IL1RAPL2: variants seen among roughly 807,000 people sequenced by gnomAD.
IL1RAPL2 encodes X-linked interleukin-1 receptor accessory protein-like 2.
In IL1RAPL2, 3 loss-of-function variants were observed where a neutral mutation model predicts 44.1. The observed-to-expected ratio is 0.07, with a 90% confidence interval of 0.03 to 0.18. IL1RAPL2 has a LOEUF of 0.18. Among genes scored for constraint, IL1RAPL2 ranks in the 10% least tolerant of loss-of-function variants. IL1RAPL2 has a pLI of 1.00. For missense variants in IL1RAPL2, 391 were observed against 496.4 expected, an observed-to-expected ratio of 0.79 and a Z score of 2.02; for synonymous variants, 181 against 178.8, an observed-to-expected ratio of 1.01 and a Z score of -0.10.
At chrX:104,885,415 A>G (rs1923205814) in intron 2 of IL1RAPL2, among the ~76,000 whole-genome samples, 1 of 111,943 alleles carries the variant, frequency 8.9e-6, no homozygotes, top group African/African-American at 3.3e-5. Flanking sequence ...ACTCAGGGAA[A>G]GGAAGAAAAT....
intron 6 of IL1RAPL2, among the ~76,000 whole-genome samples, chrX:105,538,239 T>C (rs2036693375): frequency 9.2e-6 from 1 of 108,776 alleles, no homozygotes; most frequent in Non-Finnish European, 1.9e-5. Context: ...GGTTTCACCG[T>C]GTTAACCAGG....
intron 2 of IL1RAPL2, among the ~76,000 whole-genome samples, chrX:104,671,651 C>T (rs1829545093): frequency 1.8e-5 from 2 of 111,650 alleles, no homozygotes; most frequent in East Asian, 2.8e-4. Context: ...AAATTGTTTC[C>T]TCGATTCTCT....
intron 2 of IL1RAPL2, among the ~76,000 whole-genome samples, chrX:105,114,807 AG>A (rs1294658463): frequency 3.6e-5 from 4 of 111,920 alleles, no homozygotes; most frequent in African/African-American, 9.8e-5. Flanking sequence ...AGGAGTGGTG[AG>A]GGATGACTTG....
chrX:105,539,807 A>G (rs975576281), intron 6 of IL1RAPL2, among the ~76,000 whole-genome samples: 1 of 112,004 alleles, frequency 8.9e-6, no homozygotes, highest in Non-Finnish European at 1.9e-5. Context: ...TGTGTGATGA[A>G]CTTAAACAAT....
chrX:105,760,558 A>G (rs1164903482), intron 10 of IL1RAPL2, among the ~76,000 whole-genome samples: 1 of 112,370 alleles, frequency 8.9e-6, no homozygotes, highest in Admixed American at 9.4e-5. Context: ...AAATGTGGAC[A>G]GCATTCAGAG....
chrX:104,982,357 C>T (rs1284282654), intron 2 of IL1RAPL2, among the ~76,000 whole-genome samples: 2 of 111,221 alleles, frequency 1.8e-5, no homozygotes, highest in Admixed American at 9.6e-5. Flanking sequence ...AGACACATAA[C>T]ACTTTGTATT....
At chrX:105,602,804 A>T (rs1156289753) in intron 6 of IL1RAPL2, among the ~76,000 whole-genome samples, 2 of 110,324 alleles carry the variant, frequency 1.8e-5, no homozygotes, top group African/African-American at 6.6e-5. Flanking sequence ...AAAAGAAAAA[A>T]AAAAAAACCT....
At chrX:105,690,476 G>A (rs915190928) in intron 6 of IL1RAPL2, among the ~76,000 whole-genome samples, 11 of 111,069 alleles carry the variant, frequency 9.9e-5, no homozygotes, top group African/African-American at 2.0e-4. Context: ...AGAACATGCC[G>A]AAGTATAATA....
intron 7 of IL1RAPL2, among the ~76,000 whole-genome samples, chrX:105,739,370 TAAG>T (rs2038477198): frequency 9.2e-6 from 1 of 108,780 alleles, no homozygotes; most frequent in Admixed American, 9.8e-5. Context: ...TATTATACTT[TAAG>T]TTTTAGGGTA....
intron 2 of IL1RAPL2, among the ~76,000 whole-genome samples, chrX:105,169,696 T>C (rs1425481971): frequency 9.4e-6 from 1 of 106,471 alleles, no homozygotes; most frequent in African/African-American, 3.5e-5. Flanking sequence ...ACCTGGCTAA[T>C]TTTTTTTATT....
intron 2 of IL1RAPL2, among the ~76,000 whole-genome samples, chrX:105,085,329 A>G (rs1330635692): frequency 8.9e-6 from 1 of 112,429 alleles, no homozygotes; most frequent in Non-Finnish European, 1.9e-5. Context: ...CTCAATAGCA[A>G]GAAAACAAAC....
At chrX:105,223,279 T>C (rs1292437328) in intron 3 of IL1RAPL2, among the ~76,000 whole-genome samples, 1 of 111,875 alleles carries the variant, frequency 8.9e-6, no homozygotes, top group East Asian at 2.8e-4. Context: ...AAGCTGTATT[T>C]ACAGCAGCGG....
intron 3 of IL1RAPL2, among the ~76,000 whole-genome samples, chrX:105,227,242 A>G (rs1010056374): frequency 2.7e-5 from 3 of 111,827 alleles, no homozygotes; most frequent in Non-Finnish European, 5.6e-5. Flanking sequence ...TAAAAAAATT[A>G]TGATATGTTT....
chrX:104,906,158 T>A (rs1260415522), intron 2 of IL1RAPL2, among the ~76,000 whole-genome samples: 3 of 111,247 alleles, frequency 2.7e-5, no homozygotes, highest in Non-Finnish European at 5.7e-5. Context: ...TGATTTTGTA[T>A]CCTGAGACTT....
chrX:105,235,046 A>G (rs1192593184), intron 4 of IL1RAPL2, among the ~76,000 whole-genome samples: 4 of 110,589 alleles, frequency 3.6e-5, no homozygotes, highest in African/African-American at 1.3e-4. Context: ...TAAATACCCT[A>G]ACCATTTATA....
chrX:104,933,804 T>A (rs1369349378), intron 2 of IL1RAPL2, among the ~76,000 whole-genome samples: 2 of 111,202 alleles, frequency 1.8e-5, no homozygotes, highest in African/African-American at 6.5e-5. Flanking sequence ...CGTTGCATAC[T>A]CGAGAAGGGG....
chrX:105,523,132 A>G (rs1053674312), intron 6 of IL1RAPL2, among the ~76,000 whole-genome samples: 8 of 111,636 alleles, frequency 7.2e-5, no homozygotes, highest in African/African-American at 2.6e-4. Context: ...GTCTTCCCCA[A>G]CCTACCACTT....
chrX:105,727,199 G>A (rs1226432589), intron 7 of IL1RAPL2, among the ~76,000 whole-genome samples: 1 of 111,018 alleles, frequency 9.0e-6, no homozygotes, highest in Non-Finnish European at 1.9e-5. Context: ...AATGAAAATT[G>A]GTCTTAGAAA....
At chrX:104,925,202 T>A (rs1040085270) in intron 2 of IL1RAPL2, among the ~76,000 whole-genome samples, 2 of 63,380 alleles carry the variant, frequency 3.2e-5, no homozygotes, top group Non-Finnish European at 6.2e-5. Flanking sequence ...GAATCAGTAA[T>A]AAAATGTCTC....
Sources: gnomAD v4.1 joint callset for allele counts (sites outside exome capture counted in the v4.1 genomes callset) on GRCh38, gnomAD v4.1.1 for gene constraint, MANE v1.5 for transcripts, NCBI Gene and HGNC (gene_info 2026-07-23, HGNC 2026-07-21) for gene names.